NRXN3: variants seen among roughly 807,000 people sequenced by gnomAD.
NRXN3 encodes neurexin III.
In NRXN3, 32 loss-of-function variants were observed where a neutral mutation model predicts 137.6. That is an observed-to-expected ratio of 0.23 (90% confidence interval 0.18 to 0.31). The LOEUF is 0.31. Among genes scored for constraint, NRXN3 ranks in the 10% least tolerant of loss-of-function variants. The probability of loss-of-function intolerance (pLI) is 1.00; values close to 1 mark genes in which losing one functional copy is unlikely to be tolerated. For synonymous variants in NRXN3, 798 were observed against 784.5 expected, an observed-to-expected ratio of 1.02 and a Z score of -0.29; for missense variants, 1,574 against 2,062.5, an observed-to-expected ratio of 0.76 and a Z score of 4.59.
chr14:79,142,888 A>T (rs1474686817), intron 15 of NRXN3, among the ~76,000 whole-genome samples: 1 of 152,198 alleles, frequency 6.6e-6, no homozygotes, highest in Non-Finnish European at 1.5e-5. Flanking sequence ...AATAAGTGCA[A>T]GGGAGGAGGC....
intron 4 of NRXN3, among the ~76,000 whole-genome samples, chr14:78,353,695 T>C (rs575041246): frequency 6.6e-6 from 1 of 152,000 alleles, no homozygotes; most frequent in African/African-American, 2.4e-5. Flanking sequence ...GATAAAGGAG[T>C]CTAGGCATTT....
chr14:78,665,624 T>C (rs1489319201), intron 6 of NRXN3, among the ~76,000 whole-genome samples: 1 of 152,024 alleles, frequency 6.6e-6, no homozygotes. Context: ...CAGGACTCTT[T>C]GAGGATGCAA....
intron 15 of NRXN3, among the ~76,000 whole-genome samples, chr14:79,005,314 A>G (rs1484381531): frequency 2.0e-5 from 3 of 152,178 alleles, no homozygotes; most frequent in African/African-American, 7.2e-5. Flanking sequence ...GTACTTGGCA[A>G]TTACTTCCTG....
At chr14:79,581,547 G>A (rs1567567780) in intron 16 of NRXN3, among the ~76,000 whole-genome samples, 1 of 152,144 alleles carries the variant, frequency 6.6e-6, no homozygotes, top group South Asian at 2.1e-4. Context: ...GGGTGTTTTC[G>A]TCAATGCCCC....
chr14:78,314,438 C>T (rs968484280), intron 4 of NRXN3, among the ~76,000 whole-genome samples: 1 of 152,154 alleles, frequency 6.6e-6, no homozygotes, highest in Non-Finnish European at 1.5e-5. Context: ...CATTCAGGCA[C>T]CAAGACACCT....
chr14:79,263,480 C>G (rs2077954350), intron 15 of NRXN3, among the ~76,000 whole-genome samples: 2 of 152,082 alleles, frequency 1.3e-5, no homozygotes, highest in South Asian at 2.1e-4. Context: ...TAACCAGAGA[C>G]AAGCAGGAAC....
At chr14:79,200,028 C>G (rs1200062365) in intron 15 of NRXN3, 1 of 151,980 alleles carries the variant, frequency 6.6e-6, no homozygotes, top group African/African-American at 2.4e-5. Flanking sequence ...GTTTCCTAGA[C>G]CCAGAGAAGG....
At chr14:78,194,190 C>A (rs1218779027) in intron 1 of NRXN3, among the ~76,000 whole-genome samples, 1 of 152,212 alleles carries the variant, frequency 6.6e-6, no homozygotes, top group Admixed American at 6.5e-5. Flanking sequence ...ACAGATTCAT[C>A]CCATTGCAGC....
chr14:79,267,320 G>T (rs2078590533), intron 15 of NRXN3, among the ~76,000 whole-genome samples: 1 of 151,664 alleles, frequency 6.6e-6, no homozygotes, highest in East Asian at 1.9e-4. Flanking sequence ...ATAGTTAAGA[G>T]AAAGCATCTC....
chr14:79,315,311 A>T (rs1376998668), intron 15 of NRXN3, among the ~76,000 whole-genome samples: 1 of 152,182 alleles, frequency 6.6e-6, no homozygotes, highest in Non-Finnish European at 1.5e-5. Flanking sequence ...AAACTTTGAC[A>T]GGTGTTTGGG....
intron 10 of NRXN3, among the ~76,000 whole-genome samples, chr14:78,899,708 A>G (rs1014418310): frequency 2.0e-5 from 3 of 152,062 alleles, no homozygotes; most frequent in Non-Finnish European, 4.4e-5. Flanking sequence ...TGCATGTTAT[A>G]TAAATGTATT....
chr14:79,530,940 T>C (rs902257571), intron 16 of NRXN3, among the ~76,000 whole-genome samples: 1 of 152,200 alleles, frequency 6.6e-6, no homozygotes, highest in South Asian at 2.1e-4. Context: ...GAATTTATTG[T>C]TTATCTCACG....
chr14:79,347,609 G>T (rs2092960731), intron 15 of NRXN3, among the ~76,000 whole-genome samples: 1 of 152,062 alleles, frequency 6.6e-6, no homozygotes, highest in Admixed American at 6.5e-5. Context: ...TTTTAGTAGA[G>T]ATGGGGTTTC....
intron 19 of NRXN3, among the ~76,000 whole-genome samples, chr14:79,744,477 G>T (rs1339618912): frequency 2.0e-5 from 3 of 152,200 alleles, no homozygotes; most frequent in African/African-American, 4.8e-5. Context: ...ATCTAAAGTA[G>T]TGTGAGCCAC....
chr14:79,038,396 C>A (rs1261012293), intron 15 of NRXN3, among the ~76,000 whole-genome samples: 2 of 152,040 alleles, frequency 1.3e-5, no homozygotes, highest in South Asian at 4.1e-4. Flanking sequence ...AGGCCACTAA[C>A]CCAAAGATCA....
At chr14:79,259,770 T>C (rs1459509432) in intron 15 of NRXN3, among the ~76,000 whole-genome samples, 1 of 151,332 alleles carries the variant, frequency 6.6e-6, no homozygotes, top group Non-Finnish European at 1.5e-5. Context: ...AGCTTTTCTG[T>C]TTCAACTTTG....
At chr14:79,708,108 A>G (rs2098788384) in intron 19 of NRXN3, among the ~76,000 whole-genome samples, 1 of 143,114 alleles carries the variant, frequency 7.0e-6, no homozygotes, top group Admixed American at 7.2e-5. Context: ...CCCTCTGCAT[A>G]TGTGGGATTG....
intron 1 of NRXN3, among the ~76,000 whole-genome samples, chr14:78,234,706 C>T (rs2153442996): frequency 6.6e-6 from 1 of 152,284 alleles, no homozygotes; most frequent in African/African-American, 2.4e-5. Flanking sequence ...AGGCTCATGT[C>T]TTTCCTTTCT....
chr14:78,255,741 A>C (rs902154762), intron 2 of NRXN3, among the ~76,000 whole-genome samples: 1 of 152,244 alleles, frequency 6.6e-6, no homozygotes, highest in South Asian at 2.1e-4. Flanking sequence ...GACAAAAAGC[A>C]GGTACTCAAT....
Sources: gnomAD v4.1 joint callset for allele counts (sites outside exome capture counted in the v4.1 genomes callset) on GRCh38, gnomAD v4.1.1 for gene constraint, MANE v1.5 for transcripts, NCBI Gene and HGNC (gene_info 2026-07-23, HGNC 2026-07-21) for gene names.